The following GPLD1 variants were observed in gnomAD, a reference collection of about 807,000 sequenced individuals.
GPLD1 encodes glycosylphosphatidylinositol specific phospholipase D1, also known as phosphatidylinositol-glycan-specific phospholipase D.
In GPLD1, 84 loss-of-function variants were observed where a neutral mutation model predicts 112.6. That is an observed-to-expected ratio of 0.75 (90% CI 0.63 to 0.89). GPLD1 has a LOEUF of 0.89. Among genes scored for constraint, GPLD1 ranks in the 40% least tolerant of loss-of-function variants. GPLD1 has a pLI of 0.00. For missense variants in GPLD1, 1,044 were observed against 1,051.5 expected, an observed-to-expected ratio of 0.99 and a Z score of 0.10; for synonymous variants, 386 against 403.8, an observed-to-expected ratio of 0.96 and a Z score of 0.53.
intron 15 of GPLD1, among the ~76,000 whole-genome samples, chr6:24,449,163 G>C (rs913166956): frequency 1.3e-5 from 2 of 152,034 alleles, no homozygotes; most frequent in African/African-American, 4.8e-5. Flanking sequence ...AGGTCGCAAA[G>C]TGAGACAGCC....
intron 7 of GPLD1, among the ~76,000 whole-genome samples, chr6:24,467,929 G>A (rs1197786204): frequency 1.3e-5 from 2 of 151,314 alleles, no homozygotes; most frequent in Middle Eastern, 3.4e-3. Flanking sequence ...TTTTGGAGAT[G>A]GAGCTTCGCT....
At chr6:24,475,090 A>G (rs767760916) in intron 5 of GPLD1, 31 bp downstream of exon 5, 14 of 1,094,050 alleles carry the variant, frequency 1.3e-5, no homozygotes, top group Non-Finnish European at 1.8e-5. Context: ...TCACTCCCAT[A>G]AAGTCATTCC....
chr6:24,453,138 G>GT (rs1338615229), intron 14 of GPLD1, among the ~76,000 whole-genome samples: 3 of 152,192 alleles, frequency 2.0e-5, no homozygotes, highest in Non-Finnish European at 4.4e-5. Context: ...GTCACTGCGG[G>GT]TTTTTTCAGG....
intron 14 of GPLD1, among the ~76,000 whole-genome samples, chr6:24,452,194 C>T (rs770358349): frequency 6.6e-6 from 1 of 152,234 alleles, no homozygotes; most frequent in Non-Finnish European, 1.5e-5. Context: ...TTAGCAGCCA[C>T]AGGAAGCAGG....
chr6:24,458,152 G>A (rs909034954), intron 12 of GPLD1, among the ~76,000 whole-genome samples: 24 of 151,578 alleles, frequency 1.6e-4, no homozygotes, highest in Non-Finnish European at 3.2e-4. Flanking sequence ...GGTGACATGA[G>A]ACCAAACAAG....
chr6:24,446,781 T>C (rs75734573), intron 18 of GPLD1, 57 bp downstream of exon 18: 52,636 of 1,568,370 alleles, frequency 0.034, 997 homozygotes, highest in Middle Eastern at 0.078. Context: ...GTGCGCTCCA[T>C]AGCAGCAGGT....
chr6:24,446,794 C>G, intron 18 of GPLD1, 44 bp downstream of exon 18: 1 of 1,598,210 alleles, frequency 6.3e-7, no homozygotes, highest in Non-Finnish European at 8.5e-7. Flanking sequence ...CAGCAGGTAC[C>G]TGCCCCTGTG....
intron 13 of GPLD1, 109 bp from the exon 14 acceptor site, chr6:24,454,310 C>T: frequency 1.5e-6 from 1 of 651,292 alleles, no homozygotes; most frequent in Non-Finnish European, 2.5e-6. Context: ...CTCTCACTGA[C>T]TTTTCCACCC....
upstream of GPLD1, among the ~76,000 whole-genome samples, chr6:24,490,927 G>A (rs961003972): frequency 6.6e-6 from 1 of 152,148 alleles, no homozygotes; most frequent in Non-Finnish European, 1.5e-5. Flanking sequence ...TTAGTCCAGA[G>A]GCCATATGCC....
chr6:24,439,554 T>G (rs1194392971), intron 20 of GPLD1, among the ~76,000 whole-genome samples: 2 of 152,114 alleles, frequency 1.3e-5, no homozygotes, highest in Non-Finnish European at 2.9e-5. Flanking sequence ...ATCAAAGTGT[T>G]TTTTTAATTC....
At chr6:24,475,092 A>T (rs1323936040) in intron 5 of GPLD1, 29 bp downstream of exon 5, 1 of 1,106,382 alleles carries the variant, frequency 9.0e-7, no homozygotes, top group Non-Finnish European at 1.4e-6. Context: ...ACTCCCATAA[A>T]GTCATTCCCC....
At chr6:24,446,543 G>A (rs1317163659) in intron 18 of GPLD1, among the ~76,000 whole-genome samples, 3 of 152,102 alleles carry the variant, frequency 2.0e-5, no homozygotes, top group African/African-American at 7.2e-5. Flanking sequence ...CACACAGAGA[G>A]GGAAGACAGC....
chr6:24,437,163 G>C lies in GPLD1; in HGVS notation c.2147C>G (p.Ser716Cys). Residue 716 changes from serine (S) to cysteine (C), a missense_variant, in exon 21 of 25, where the codon TCC (serine) becomes TGC (cysteine). Transcript: ENST00000230036. ...CAAGTGCAGAACGCCACCAAATCGG[G>C]AGAAGCGGCGGTCTCCGCTGAAGGT... ...LSTFSGDRRF[S>C]RFGGVLHLSD... The C allele has an allele frequency of 6.2e-7, 1 of 1,614,200 alleles. No homozygotes were observed. The highest frequency in any genetic ancestry group is 8.5e-7 in the Non-Finnish European group (1 of 1,180,008).
intron 20 of GPLD1, among the ~76,000 whole-genome samples, chr6:24,442,123 T>G (rs1762767303): frequency 6.6e-6 from 1 of 150,746 alleles, no homozygotes; most frequent in South Asian, 2.1e-4. Flanking sequence ...TATTTTCTAT[T>G]ATTATTTATC....
At chr6:24,433,142 G>A (rs754536948) in intron 24 of GPLD1, 45 bp downstream of exon 24, 15 of 1,312,198 alleles carry the variant, frequency 1.1e-5, no homozygotes, top group Middle Eastern at 3.6e-4. Flanking sequence ...AATCCCACCC[G>A]TAGTACTAAC....
chr6:24,475,155 C>G lies in GPLD1; in HGVS notation c.407G>C (p.Gly136Ala), dbSNP rs1401100136. 14 of 1,609,364 alleles carry G rather than the reference C, an allele frequency of 8.7e-6. No homozygotes were observed. The highest frequency in any genetic ancestry group is 1.2e-5 in the Non-Finnish European group (14 of 1,175,842). The part of the protein sequence containing the change: ...MAADVSWHSL[G>A]LEQGFLRTMG... ...GGTCCTAAGGAATCCTTGTTCAAGG[C>G]CCAGACTATGCCAGCTGACATCTGC... The change falls in exon 5 of 25, where the codon GGC becomes GCC. Residue 136 changes from glycine (G) to alanine (A), a missense_variant. Coordinates refer to ENST00000230036, the MANE Select transcript of GPLD1 (RefSeq NM_001503.4).
intron 22 of GPLD1, among the ~76,000 whole-genome samples, chr6:24,435,257 C>T (rs1013882107): frequency 2.7e-5 from 4 of 149,414 alleles, no homozygotes; most frequent in African/African-American, 4.9e-5. Flanking sequence ...GTGATCCGCC[C>T]GCCTCAGCCT....
rs139020496 is a variant in GPLD1, at chr6:24,473,655, C to G, written c.454G>C (p.Gly152Arg). The G allele has an allele frequency of 1.2e-6, 2 of 1,606,864 alleles. No individual in the cohort carries two copies. The highest frequency in any genetic ancestry group is 1.7e-6 in the Non-Finnish European group (2 of 1,174,024). The change falls in exon 6 of 25, where the codon GGC becomes CGC. Residue 152 changes from glycine (G) to arginine (R), a missense_variant. By Grantham distance (125) the Gly-to-Arg change is moderately radical. Transcript: ENST00000230036. ...GCCGAATGAGCCTCTGAATAGGAGC[C>G]GTGAAAATCAATCTAAGAAAGAAAG... ...LRTMGAIDFH[G>R]SYSEAHSAGD... is the part of the protein sequence containing the mutation.
chr6:24,433,635 G>GGCGCCCACCACC, intron 22 of GPLD1: 2 of 398,608 alleles, frequency 5.0e-6, no homozygotes, highest in Non-Finnish European at 9.0e-6. Flanking sequence ...TGGAATTACA[G>GGCGCCCACCACC]GCGCCCACCA....
Sources: allele counts gnomAD v4.1 joint callset (sites outside exome capture counted in the v4.1 genomes callset), GRCh38; gene constraint gnomAD v4.1.1; transcripts MANE v1.5; gene names NCBI Gene and HGNC (gene_info 2026-07-23, HGNC 2026-07-21).